NFE2L2: variants seen among roughly 807,000 people sequenced by gnomAD.
NFE2L2 encodes nuclear factor erythroid 2-related factor 2.
A neutral mutation model predicts 49.6 loss-of-function variants in NFE2L2; 20 were observed. The observed-to-expected ratio is 0.40, with a 90% confidence interval of 0.28 to 0.59. The LOEUF is 0.59. Ranked by LOEUF, NFE2L2 falls within the 20% of genes least tolerant of loss-of-function variation. The pLI, the probability that NFE2L2 is intolerant of heterozygous loss-of-function variation, is 0.40. For synonymous variants in NFE2L2, 244 were observed against 256.5 expected, an observed-to-expected ratio of 0.95 and a Z score of 0.47; for missense variants, 578 against 714.2, an observed-to-expected ratio of 0.81 and a Z score of 2.17.
chr2:177,232,384 T>TTA lies in NFE2L2; in HGVS notation c.594+6_594+7dup, dbSNP rs1689585462. 3 of 1,607,594 alleles carry TTA rather than the reference T, an allele frequency of 1.9e-6. No individual in the cohort carries two copies. The African/African-American group carries it at 4.0e-5, about 22-fold the overall frequency. On this transcript the variant is annotated splice_region_variant and intron_variant, in intron 4 of 4. Coordinates refer to ENST00000397062, the MANE Select transcript of NFE2L2 (RefSeq NM_006164.5). ...AAAATCTCCAGTATTACATTCTATT[T>TTA]TAGTTACCTGTAACTCAGGAATGGA... is the stretch of plus-strand genomic sequence containing the variant.
At chr2:177,247,078 T>C (rs1690157905) in intron 1 of NFE2L2, among the ~76,000 whole-genome samples, 1 of 152,204 alleles carries the variant, frequency 6.6e-6, no homozygotes, top group Non-Finnish European at 1.5e-5. Flanking sequence ...TGTGTGAGGG[T>C]ATCCCTAAGA....
At chr2:177,241,435 G>T (rs924196382) in intron 1 of NFE2L2, among the ~76,000 whole-genome samples, 8 of 152,044 alleles carry the variant, frequency 5.3e-5, no homozygotes, top group Non-Finnish European at 2.9e-5. Context: ...CATAGACACT[G>T]TCTAAGTATT....
chr2:177,264,288 C>T (rs1574289605), intron 1 of NFE2L2: 2 of 473,186 alleles, frequency 4.2e-6, no homozygotes, highest in Non-Finnish European at 7.4e-6. Flanking sequence ...GTCCCCAGAC[C>T]TTCCCGCAAC....
chr2:177,230,349 A>C lies in NFE2L2; in HGVS notation c.*436T>G. 1 of 232,524 alleles carries C rather than the reference A, an allele frequency of 4.3e-6. No individual in the cohort carries two copies. Among genetic ancestry groups the C allele is most frequent in the Non-Finnish European group, 8.5e-6 (1 of 117,558 alleles). 14.4% of individuals were successfully genotyped at this position (232,524 alleles called of 1,614,324 possible). On this transcript the variant is annotated 3_prime_UTR_variant, in exon 5 of 5. Coordinates refer to ENST00000397062, the MANE Select transcript of NFE2L2 (RefSeq NM_006164.5). Reference sequence around the variant, plus strand: ...ATCCTTTATTAGTACCAGCTCTTAAAATTTTTTTTTTTTGCCAGAGCTAAA... The same window carrying C: ...ATCCTTTATTAGTACCAGCTCTTAACATTTTTTTTTTTTGCCAGAGCTAAA...
intron 1 of NFE2L2, among the ~76,000 whole-genome samples, chr2:177,262,306 T>A (rs143764709): frequency 7.7e-4 from 117 of 152,360 alleles, no homozygotes; most frequent in African/African-American, 2.5e-3. Flanking sequence ...TCTAGGAAAG[T>A]GCTTTATCTC....
chr2:177,255,233 G>A (rs1008540345), intron 1 of NFE2L2, among the ~76,000 whole-genome samples: 10 of 152,174 alleles, frequency 6.6e-5, no homozygotes, highest in Admixed American at 4.6e-4. Flanking sequence ...CAGGATCAAC[G>A]AGAAGAGATA....
rs1574290071 is a variant in NFE2L2 at position 177,264,678 on chromosome 2, G to A, written c.-102C>T. 9.8e-6 allele frequency: 11 copies of A among 1,122,820 alleles called. No homozygotes were observed. Among genetic ancestry groups the A allele is most frequent in the Non-Finnish European group, 1.3e-5 (11 of 866,914 alleles). 69.6% of individuals were successfully genotyped at this position (1,122,820 alleles called of 1,614,324 possible). A position where few individuals can be genotyped will look rare whatever the true frequency, so the allele number is the denominator to read the frequency against. On this transcript the variant is annotated 5_prime_UTR_variant, in exon 1 of 5. Transcript: ENST00000397062. ...CGGCTCTGGTGGCGGCGGCGGCGGC[G>A]GTGGCGGCTGCGTCGGCGGCTCCTC...
intron 3 of NFE2L2, 174 bp downstream of exon 3, chr2:177,233,073 AGTT>A (rs1689614636): frequency 1.7e-6 from 1 of 578,164 alleles, no homozygotes; most frequent in Middle Eastern, 4.5e-4. Flanking sequence ...TTAATTGTAA[AGTT>A]ATTTATAGGC....
intron 1 of NFE2L2, among the ~76,000 whole-genome samples, chr2:177,257,573 C>G (rs12463389): frequency 0.013 from 1,945 of 152,296 alleles, 144 homozygotes; most frequent in Admixed American, 0.12. Flanking sequence ...AATAAGACAT[C>G]CTAACCAGAT....
chr2:177,247,425 G>C (rs1690170183), intron 1 of NFE2L2, among the ~76,000 whole-genome samples: 3 of 152,122 alleles, frequency 2.0e-5, no homozygotes, highest in Non-Finnish European at 1.5e-5. Flanking sequence ...ACTTTGGGAG[G>C]CCGAGGCAGG....
chr2:177,264,127 G>A (rs976213587), intron 1 of NFE2L2, among the ~76,000 whole-genome samples: 3 of 152,080 alleles, frequency 2.0e-5, no homozygotes, highest in Non-Finnish European at 4.4e-5. Context: ...AGCCCCGGAA[G>A]GGCCGGGCCG....
rs775915720 is a variant in NFE2L2, at chr2:177,230,850, G to A, written c.1753C>T (p.Gln585Ter). Residue 585 changes from glutamine to a stop codon, truncating the protein, a stop_gained, in exon 5 of 5, where the codon CAA (glutamine) becomes TAA (stop). Transcript: ENST00000397062. LOFTEE classifies it high-confidence loss of function. ...AGGAAAACATTGCCATCTCTTGTTT[G>A]CTGCAGGGAGTATTCACTAGGAGAA... is the stretch of plus-strand genomic sequence containing the variant. ...PYSPSEYSLQQTRDGNVFLVP... is the reference protein window; with the variant it reads ...PYSPSEYSLQ 6.2e-7 allele frequency: 1 copy of A among 1,603,174 alleles called. No individual in the cohort carries two copies. Among genetic ancestry groups the A allele is most frequent in the South Asian group, 1.1e-5 (1 of 87,526 alleles).
At chr2:177,233,569 T>C (rs1689634947) in intron 2 of NFE2L2, 1 of 542,568 alleles carries the variant, frequency 1.8e-6, no homozygotes, top group African/African-American at 2.0e-5. Context: ...CTTTGTGAGC[T>C]TCAGTTGCTC....
intron 1 of NFE2L2, among the ~76,000 whole-genome samples, chr2:177,249,715 G>A (rs944809850): frequency 3.9e-5 from 6 of 152,100 alleles, no homozygotes; most frequent in African/African-American, 9.6e-5. Context: ...AATTATTAAC[G>A]AGGTGACAAA....
intron 2 of NFE2L2, 144 bp from the exon 3 acceptor site, chr2:177,233,483 A>C (rs1689631832): frequency 1.5e-6 from 1 of 684,104 alleles, no homozygotes; most frequent in Admixed American, 3.2e-5. Context: ...ACTTTGATGC[A>C]CAATTTGAAC....
intron 1 of NFE2L2, among the ~76,000 whole-genome samples, chr2:177,261,796 C>T (rs1173999978): frequency 6.6e-6 from 1 of 152,062 alleles, no homozygotes; most frequent in African/African-American, 2.4e-5. Flanking sequence ...GAAAAGTTAA[C>T]CCAGGCTTGA....
chr2:177,254,437 A>C (rs2105486673), intron 1 of NFE2L2, among the ~76,000 whole-genome samples: 1 of 152,330 alleles, frequency 6.6e-6, no homozygotes, highest in East Asian at 1.9e-4. Flanking sequence ...CCTAAGAACA[A>C]GCAGCAATGT....
chr2:177,246,469 G>GT (rs950527969), intron 1 of NFE2L2, among the ~76,000 whole-genome samples: 32 of 151,264 alleles, frequency 2.1e-4, no homozygotes, highest in Admixed American at 3.3e-4. Flanking sequence ...CTAGTATCAG[G>GT]TTTTTTTTTG....
intron 1 of NFE2L2, among the ~76,000 whole-genome samples, chr2:177,253,626 G>C (rs1690417603): frequency 6.6e-6 from 1 of 152,104 alleles, no homozygotes. Flanking sequence ...TAAGATATAT[G>C]GGGTTAGAGT....
Sources: gnomAD v4.1 joint callset for allele counts (sites outside exome capture counted in the v4.1 genomes callset) on GRCh38, gnomAD v4.1.1 for gene constraint, MANE v1.5 for transcripts, NCBI Gene and HGNC (gene_info 2026-07-23, HGNC 2026-07-21) for gene names.